Variants in WWOX observed in about 807,000 individuals in gnomAD.
WWOX encodes WW domain-containing oxidoreductase.
Under a neutral mutation model 46.2 loss-of-function variants are expected in WWOX, and 69 were observed. That is an observed-to-expected ratio of 1.49 (90% CI 1.23 to 1.82). The LOEUF (loss-of-function observed/expected upper bound fraction) is 1.82. WWOX is among the 40% of genes most tolerant of loss of function. The pLI is 0.00. For synonymous variants in WWOX, 359 were observed against 202.6 expected, an observed-to-expected ratio of 1.77 and a Z score of -6.56; for missense variants, 919 against 542.6, an observed-to-expected ratio of 1.69 and a Z score of -6.89.
intron 8 of WWOX, among the ~76,000 whole-genome samples, chr16:78,637,971 C>G (rs1008188423): frequency 7.9e-5 from 12 of 152,114 alleles, no homozygotes; most frequent in African/African-American, 2.4e-4. Flanking sequence ...CAGGTAGACC[C>G]AGAATCACTT....
At chr16:79,114,727 C>T (rs2049480245) in intron 8 of WWOX, among the ~76,000 whole-genome samples, 1 of 152,148 alleles carries the variant, frequency 6.6e-6, no homozygotes, top group Non-Finnish European at 1.5e-5. Flanking sequence ...CACAGCATCC[C>T]CTGTCAACAA....
chr16:78,407,687 C>T (rs1293409136), intron 6 of WWOX, among the ~76,000 whole-genome samples: 2 of 152,120 alleles, frequency 1.3e-5, no homozygotes, highest in East Asian at 3.9e-4. Context: ...CAACTAGAAC[C>T]ACATCAACTT....
intron 8 of WWOX, among the ~76,000 whole-genome samples, chr16:78,646,045 T>A (rs1224350228): frequency 1.3e-5 from 2 of 152,186 alleles, no homozygotes; most frequent in African/African-American, 4.8e-5. Context: ...TTAGATCCTT[T>A]GTGACTGCAT....
intron 8 of WWOX, among the ~76,000 whole-genome samples, chr16:78,938,152 C>A (rs1434266919): frequency 6.6e-6 from 1 of 152,178 alleles, no homozygotes; most frequent in African/African-American, 2.4e-5. Flanking sequence ...TCAGGACCTT[C>A]CTGGCCTCTG....
intron 8 of WWOX, among the ~76,000 whole-genome samples, chr16:78,971,271 C>T (rs2046463153): frequency 1.3e-5 from 2 of 151,658 alleles, no homozygotes; most frequent in Non-Finnish European, 2.9e-5. Context: ...CGAGACCAGC[C>T]TGGCCAACAT....
At chr16:78,390,772 T>C (rs978544916) in intron 6 of WWOX, among the ~76,000 whole-genome samples, 1 of 152,168 alleles carries the variant, frequency 6.6e-6, no homozygotes, top group Non-Finnish European at 1.5e-5. Flanking sequence ...CTTCAGACAT[T>C]AAAATTTTCT....
intron 8 of WWOX, among the ~76,000 whole-genome samples, chr16:78,634,837 AGTGTGTGT>A (rs59374463): frequency 0.015 from 1,703 of 111,682 alleles, 18 homozygotes; most frequent in Non-Finnish European, 0.018. Context: ...AGAGAGAGAG[AGTGTGTGT>A]GTGTGTGTGT....
At chr16:78,601,398 T>A (rs73581098) in intron 8 of WWOX, among the ~76,000 whole-genome samples, 3,418 of 150,728 alleles carry the variant, frequency 0.023, 122 homozygotes, top group African/African-American at 0.077. Context: ...AGGGCAACTG[T>A]GTTGCCTTCC....
At chr16:78,144,606 C>G (rs2034135894) in intron 4 of WWOX, among the ~76,000 whole-genome samples, 1 of 145,792 alleles carries the variant, frequency 6.9e-6, no homozygotes, top group Non-Finnish European at 1.5e-5. Flanking sequence ...ACTGCAACCT[C>G]TGCCTCCCAG....
At chr16:78,492,772 G>GGTGT (rs2084815733) in intron 8 of WWOX, among the ~76,000 whole-genome samples, 1 of 152,160 alleles carries the variant, frequency 6.6e-6, no homozygotes, top group Non-Finnish European at 1.5e-5. Context: ...ATCACATCAA[G>GGTGT]GTGTGTTTGT....
intron 8 of WWOX, among the ~76,000 whole-genome samples, chr16:78,978,489 C>G (rs928691088): frequency 2.0e-5 from 3 of 152,190 alleles, no homozygotes; most frequent in African/African-American, 7.2e-5. Flanking sequence ...CACACTGTCA[C>G]CAACTCTGTC....
intron 8 of WWOX, among the ~76,000 whole-genome samples, chr16:78,576,474 T>G (rs1024015975): frequency 1.3e-5 from 2 of 152,230 alleles, no homozygotes; most frequent in Non-Finnish European, 2.9e-5. Context: ...TTCATGAGGC[T>G]GATGTTTTTC....
chr16:78,406,777 C>T (rs536507111), intron 6 of WWOX, among the ~76,000 whole-genome samples: 1 of 152,052 alleles, frequency 6.6e-6, no homozygotes, highest in South Asian at 2.1e-4. Context: ...CAGTCGTGTG[C>T]CACCACGCCT....
intron 4 of WWOX, among the ~76,000 whole-genome samples, chr16:78,130,782 T>G (rs958248931): frequency 2.0e-5 from 3 of 152,212 alleles, no homozygotes; most frequent in African/African-American, 7.2e-5. Context: ...GTGCTAAGAC[T>G]TCAGTGTAGA....
intron 4 of WWOX, 111 bp downstream of exon 4, chr16:78,115,265 A>G (rs2032721566): frequency 1.5e-6 from 2 of 1,301,976 alleles, no homozygotes; most frequent in Admixed American, 1.9e-5. Flanking sequence ...CATGACTTTT[A>G]TCCTTTTCAG....
At chr16:79,185,372 A>G (rs774047378) in intron 8 of WWOX, among the ~76,000 whole-genome samples, 1 of 152,184 alleles carries the variant, frequency 6.6e-6, no homozygotes, top group African/African-American at 2.4e-5. Flanking sequence ...ACTTATTTAC[A>G]GTTTGAGGGG....
chr16:78,435,347 T>A (rs978249162), intron 8 of WWOX, among the ~76,000 whole-genome samples: 2 of 152,204 alleles, frequency 1.3e-5, no homozygotes, highest in African/African-American at 4.8e-5. Context: ...CGCACCCTAC[T>A]GCAGTCTCTC....
intron 8 of WWOX, among the ~76,000 whole-genome samples, chr16:79,150,684 C>T (rs1366932564): frequency 2.6e-5 from 4 of 152,126 alleles, no homozygotes; most frequent in East Asian, 1.9e-4. Context: ...GATGGTGTCA[C>T]GTCGTTGCCC....
intron 8 of WWOX, among the ~76,000 whole-genome samples, chr16:78,846,690 C>G (rs1288668771): frequency 6.6e-6 from 1 of 152,132 alleles, no homozygotes; most frequent in African/African-American, 2.4e-5. Context: ...TGTAAAGGAT[C>G]ATTTTTTTCC....
Sources: gnomAD v4.1 joint callset for allele counts (sites outside exome capture counted in the v4.1 genomes callset) on GRCh38, gnomAD v4.1.1 for gene constraint, MANE v1.5 for transcripts, NCBI Gene and HGNC (gene_info 2026-07-23, HGNC 2026-07-21) for gene names.